Variants in SCFD2 observed in about 807,000 individuals in gnomAD.
SCFD2 encodes sec1 family domain containing 2.
SCFD2 carries 54 observed loss-of-function variants against 58.9 expected under a neutral mutation model. That is an observed-to-expected ratio of 0.92 (90% CI 0.74 to 1.15). SCFD2 has a LOEUF of 1.15. Among genes scored for constraint, SCFD2 ranks in the 50% most tolerant of loss-of-function variants. The probability of loss-of-function intolerance (pLI) is 0.00; values close to 1 mark genes in which losing one functional copy is unlikely to be tolerated. For missense variants in SCFD2, 805 were observed against 836.6 expected (o/e 0.96, Z 0.47); for synonymous variants, 321 against 335.9 (o/e 0.96, Z 0.49).
At chr4:52,999,165 C>T (rs529062120) in intron 5 of SCFD2, among the ~76,000 whole-genome samples, 53 of 152,276 alleles carry the variant, frequency 3.5e-4, no homozygotes, top group South Asian at 2.7e-3. Context: ...CCTGCTTTAA[C>T]AGATTGACAA....
chr4:53,257,311 T>C (rs933458042), intron 4 of SCFD2, among the ~76,000 whole-genome samples: 2 of 152,096 alleles, frequency 1.3e-5, no homozygotes, highest in Admixed American at 6.6e-5. Flanking sequence ...CTGTTCCCTA[T>C]AGTCAGTTCA....
At chr4:53,218,852 C>A (rs546976415) in intron 4 of SCFD2, among the ~76,000 whole-genome samples, 4 of 152,178 alleles carry the variant, frequency 2.6e-5, no homozygotes, top group African/African-American at 9.7e-5. Context: ...GTTAGTTTTG[C>A]TTCTAACAGT....
At chr4:53,116,062 A>G (rs1725309830) in intron 5 of SCFD2, among the ~76,000 whole-genome samples, 3 of 152,168 alleles carry the variant, frequency 2.0e-5, no homozygotes, top group Admixed American at 2.0e-4. Flanking sequence ...AGAACACAGG[A>G]TTCGTTCAGA....
chr4:53,181,365 A>T (rs997495337), intron 4 of SCFD2, among the ~76,000 whole-genome samples: 1 of 152,222 alleles, frequency 6.6e-6, no homozygotes, highest in Non-Finnish European at 1.5e-5. Context: ...ACAAATCAAT[A>T]AATGTAATCC....
At position 53,267,016 on chromosome 4, in the gene SCFD2, G is replaced by C. The variant is rs551336715; in HGVS notation, c.1311+6810C>G. On this transcript the variant is annotated intron_variant, in intron 4 of 8. Coordinates refer to ENST00000401642, the MANE Select transcript of SCFD2 (RefSeq NM_152540.4). ...CAAATAGTCCTCAGGTCTCTTGCTG[G>C]CTAGTTGTTAGATCACCAAAACCAT... Among the ~76,000 whole-genome samples, 23 of 152,332 alleles carry C rather than the reference G, an allele frequency of 1.5e-4. No individual in the cohort carries two copies. In the East Asian group the frequency reaches 4.2e-3, roughly 28 times the overall value.
chr4:52,901,506 G>A (rs752609077), intron 7 of SCFD2, among the ~76,000 whole-genome samples: 6 of 152,142 alleles, frequency 3.9e-5, no homozygotes, highest in Non-Finnish European at 8.8e-5. Flanking sequence ...AAGAAAGCTT[G>A]GCCACATGAG....
intron 5 of SCFD2, among the ~76,000 whole-genome samples, chr4:52,969,884 G>A (rs1257593703): frequency 6.6e-6 from 1 of 152,176 alleles, no homozygotes; most frequent in Non-Finnish European, 1.5e-5. Context: ...AATAGTGTGA[G>A]GCTGAACTGG....
chr4:52,894,241 C>A (rs1577804596), intron 7 of SCFD2, among the ~76,000 whole-genome samples: 1 of 152,112 alleles, frequency 6.6e-6, no homozygotes, highest in East Asian at 1.9e-4. Context: ...AAAAAAAGAA[C>A]TTCTTAAAAA....
At chr4:53,224,751 G>A (rs570212964) in intron 4 of SCFD2, among the ~76,000 whole-genome samples, 3 of 151,656 alleles carry the variant, frequency 2.0e-5, no homozygotes, top group Non-Finnish European at 4.4e-5. Context: ...TTGCTATGCA[G>A]CAATAGATAA....
At chr4:52,920,671 T>G in intron 6 of SCFD2, 54 bp downstream of exon 6, 1 of 1,333,192 alleles carries the variant, frequency 7.5e-7, no homozygotes, top group Non-Finnish European at 1.0e-6. Flanking sequence ...CTATAGACTC[T>G]GAATCCTAGA....
At chr4:53,341,418 G>C (rs1307470943) in intron 2 of SCFD2, among the ~76,000 whole-genome samples, 3 of 152,076 alleles carry the variant, frequency 2.0e-5, no homozygotes, top group Non-Finnish European at 4.4e-5. Context: ...AAAAGAGTGA[G>C]AAGAAATGAA....
intron 5 of SCFD2, among the ~76,000 whole-genome samples, chr4:53,021,400 T>A (rs1374683610): frequency 6.6e-6 from 1 of 152,180 alleles, no homozygotes; most frequent in Non-Finnish European, 1.5e-5. Context: ...TCAACATAAT[T>A]TATTCCTGTA....
chr4:52,910,141 C>T (rs1225303820), intron 6 of SCFD2, among the ~76,000 whole-genome samples: 1 of 152,232 alleles, frequency 6.6e-6, no homozygotes, highest in East Asian at 1.9e-4. Context: ...CTCCAGCCTT[C>T]CTTGCAGCTG....
chr4:52,980,034 T>C (rs1020135133), intron 5 of SCFD2, among the ~76,000 whole-genome samples: 9 of 152,234 alleles, frequency 5.9e-5, no homozygotes, highest in Admixed American at 6.5e-5. Context: ...TTACACTGAC[T>C]ACAAAGTGAA....
At position 53,212,203 on chromosome 4, in the gene SCFD2, C is replaced by T. The variant is rs115977674; in HGVS notation, c.1311+61623G>A. On this transcript the variant is annotated intron_variant, in intron 4 of 8. Transcript: ENST00000401642. ...CCACTGTTGGGAAAGCATTCTCCAC[C>T]CCTCAAAATCAAACGCTCCTTTCCT... 7.4e-3 allele frequency among the ~76,000 whole-genome samples: 1,130 copies of T among 152,032 alleles called. 17 individuals are homozygous for T. The highest frequency in any genetic ancestry group is 0.026 in the African/African-American group (1,074 of 41,418).
intron 5 of SCFD2, among the ~76,000 whole-genome samples, chr4:52,960,770 GTCAC>G (rs1352773572): frequency 1.3e-5 from 2 of 152,010 alleles, no homozygotes; most frequent in East Asian, 1.9e-4. Flanking sequence ...AGTACCAAAA[GTCAC>G]TCACAACAAC....
intron 5 of SCFD2, among the ~76,000 whole-genome samples, chr4:52,961,035 C>T (rs944345128): frequency 1.3e-5 from 2 of 152,100 alleles, no homozygotes; most frequent in Non-Finnish European, 2.9e-5. Flanking sequence ...GGAGGGTTGG[C>T]AGATCATTCT....
intron 4 of SCFD2, among the ~76,000 whole-genome samples, chr4:53,173,773 T>C (rs184680305): frequency 3.9e-4 from 59 of 152,264 alleles, no homozygotes; most frequent in Middle Eastern, 6.8e-3. Context: ...GTGGTTACCA[T>C]GAGGCTTATG....
intron 5 of SCFD2, among the ~76,000 whole-genome samples, chr4:53,016,864 T>C (rs775292638): frequency 3.9e-5 from 6 of 152,160 alleles, no homozygotes; most frequent in Non-Finnish European, 8.8e-5. Flanking sequence ...ATCCCAGCAC[T>C]TTGGGAGGCC....
Sources: gnomAD v4.1 joint callset for allele counts (sites outside exome capture counted in the v4.1 genomes callset) on GRCh38, gnomAD v4.1.1 for gene constraint, MANE v1.5 for transcripts, NCBI Gene and HGNC (gene_info 2026-07-23, HGNC 2026-07-21) for gene names.